The following ZNF469 variants were observed in gnomAD, a reference collection of about 807,000 sequenced individuals.
The protein encoded by ZNF469 is zinc finger protein 469.
Under a neutral mutation model 1.0 loss-of-function variants are expected in ZNF469, and 1 was observed. That is an observed-to-expected ratio of 1.00 (90% CI 0.35 to 4.73). ZNF469 has a LOEUF of 4.73. Among genes scored for constraint, ZNF469 ranks in the 30% most tolerant of loss-of-function variants. ZNF469 has a pLI of 0.16. For synonymous variants in ZNF469, 2,703 were observed against 2,363.4 expected, an observed-to-expected ratio of 1.14 and a Z score of -4.17; for missense variants, 6,100 against 5,356.3, an observed-to-expected ratio of 1.14 and a Z score of -4.33.
chr16:88,239,258 G>A, the ZNF469 span, among the ~76,000 whole-genome samples: 2 of 152,134 alleles, frequency 1.3e-5, no homozygotes, highest in African/African-American at 4.8e-5. Flanking sequence ...TGTGAGTTGG[G>A]TAGATCAGCT....
At chr16:88,264,745 C>T in the ZNF469 span, among the ~76,000 whole-genome samples, 9 of 149,984 alleles carry the variant, frequency 6.0e-5, no homozygotes, top group Admixed American at 2.6e-4. Flanking sequence ...CCTCCCAGTC[C>T]AGTCCTGCTC....
chr16:88,209,240 G>A, the ZNF469 span, among the ~76,000 whole-genome samples: 6,248 of 151,780 alleles, frequency 0.041, 151 homozygotes, highest in Middle Eastern at 0.1. Flanking sequence ...GACATACACC[G>A]TCTCATCGGT....
chr16:88,435,746 G>A lies in ZNF469; in HGVS notation c.8276G>A (p.Arg2759Lys), dbSNP rs1906525742. 2 of 1,550,744 alleles carry A rather than the reference G, an allele frequency of 1.3e-6. No homozygotes were observed. The highest frequency in any genetic ancestry group is 1.4e-5 in the African/African-American group (1 of 73,062). ...GASARGFWGP[R>K]ETKALGVCKE... is the part of the protein sequence containing the mutation. ...TCGGCAAGGGGGTTCTGGGGACCAA[G>A]AGAGACCAAGGCGTTGGGTGTGTGC... The change falls in exon 3 of 3, where the codon AGA (arginine) becomes AAA (lysine). Residue 2759 changes from arginine (R) to lysine (K), a missense_variant. Transcript: ENST00000565624.
At chr16:88,336,493 A>G in the ZNF469 span, among the ~76,000 whole-genome samples, 5 of 127,894 alleles carry the variant, frequency 3.9e-5, no homozygotes, top group South Asian at 5.4e-4. Flanking sequence ...CATCCTTCAC[A>G]TGAGACACAT....
chr16:88,434,525 C>G lies in ZNF469; in HGVS notation c.7055C>G (p.Pro2352Arg). 4 of 1,550,322 alleles carry G rather than the reference C, an allele frequency of 2.6e-6. 1 individual carries two copies. In the South Asian group the frequency reaches 4.8e-5, roughly 18 times the overall value. Residue 2352 changes from proline to arginine, a missense_variant, in exon 3 of 3, where the codon CCT (proline) becomes CGT (arginine). Coordinates refer to ENST00000565624, the MANE Select transcript of ZNF469 (RefSeq NM_001367624.2). ...GCTGTCACAGCTGTGCCCACTGAGCCTCCCACGCTACAGGGTGCAGGGCCG... is the reference window on the plus strand; with the variant it reads ...GCTGTCACAGCTGTGCCCACTGAGCGTCCCACGCTACAGGGTGCAGGGCCG... ...GQAVTAVPTE[P>R]PTLQGAGPDS...
chr16:88,255,940 A>C, the ZNF469 span, among the ~76,000 whole-genome samples: 13,502 of 152,120 alleles, frequency 0.089, 725 homozygotes, highest in East Asian at 0.21. Flanking sequence ...CTGGTTGGAG[A>C]TGTCATTTGT....
the ZNF469 span, among the ~76,000 whole-genome samples, chr16:88,277,094 C>A: frequency 2.0e-5 from 3 of 150,242 alleles, no homozygotes; most frequent in South Asian, 4.2e-4. Flanking sequence ...GTGTAGATGT[C>A]AGTGCACGGT....
In ZNF469 at chr16:88,428,084, C is replaced by A. The variant is rs752980662; in HGVS notation, c.614C>A (p.Pro205His). The stretch of plus-strand genomic sequence containing the variant: ...ACCTCACCAAGCGCCACCCCCAGGC[C>A]CCCAGCCCCGGGGCCCCCCCAGAGC... The part of the protein sequence containing the change: ...NYTSPSATPR[P>H]PAPGPPQSRG... The change falls in exon 3 of 3, where the codon CCC becomes CAC. Residue 205 changes from proline (P) to histidine (H), a missense_variant. Coordinates refer to ENST00000565624, the MANE Select transcript of ZNF469 (RefSeq NM_001367624.2). 11 of 1,550,044 alleles carry A rather than the reference C, an allele frequency of 7.1e-6. No individual in the cohort carries two copies. In the South Asian group the frequency reaches 1.3e-4, roughly 18 times the overall value.
chr16:88,254,734 G>T, the ZNF469 span, among the ~76,000 whole-genome samples: 4 of 152,016 alleles, frequency 2.6e-5, no homozygotes, highest in African/African-American at 9.7e-5. Flanking sequence ...CTCCAGCCTG[G>T]GTGACAAGAG....
chr16:88,380,394 C>G (rs995133917), upstream of ZNF469, among the ~76,000 whole-genome samples: 2 of 108,918 alleles, frequency 1.8e-5, no homozygotes, highest in East Asian at 3.7e-4. Flanking sequence ...CTCACAGACA[C>G]GCCCTCACAC....
chr16:88,386,477 A>G (rs886178360), intron 1 of ZNF469, among the ~76,000 whole-genome samples: 1 of 151,604 alleles, frequency 6.6e-6, no homozygotes, highest in Non-Finnish European at 1.5e-5. Context: ...GCCCTCACGC[A>G]TCCTGCATCC....
the ZNF469 span, among the ~76,000 whole-genome samples, chr16:88,362,587 T>G: frequency 1.3e-4 from 20 of 152,354 alleles, no homozygotes; most frequent in African/African-American, 4.3e-4. Flanking sequence ...TCTTCTGACT[T>G]CTGGTGTTTT....
At chr16:88,244,488 A>G in the ZNF469 span, among the ~76,000 whole-genome samples, 1 of 143,492 alleles carries the variant, frequency 7.0e-6, no homozygotes, top group Non-Finnish European at 1.5e-5. Flanking sequence ...TACATTGATG[A>G]GTGGGTGGAT....
the ZNF469 span, among the ~76,000 whole-genome samples, chr16:88,141,926 C>T: frequency 2.0e-5 from 3 of 152,306 alleles, no homozygotes; most frequent in Admixed American, 6.5e-5. Context: ...GGCTTCTGAC[C>T]GCCAGAGCTG....
Position 88,433,593 on chromosome 16 carries a change from A to C in ZNF469, c.6123A>C (p.Gly2041=), listed in dbSNP as rs1906354615. 6.5e-7 allele frequency: 1 copy of C among 1,550,104 alleles called. No individual in the cohort carries two copies. The highest frequency in any genetic ancestry group is 1.4e-5 in the African/African-American group (1 of 73,010). The change falls in exon 3 of 3, where the codon GGA becomes GGC. Residue 2041 remains glycine, a synonymous_variant. Coordinates refer to ENST00000565624, the MANE Select transcript of ZNF469 (RefSeq NM_001367624.2). ...CAGTCCTGCTAGAGAAATGCAAGGG[A>C]AGCAGGGCAGCCATGAGCCTTCAGG... ...EGAVLLEKCK[G]SRAAMSLQEE...
intron 1 of ZNF469, among the ~76,000 whole-genome samples, chr16:88,416,071 C>T (rs1415554481): frequency 6.6e-6 from 1 of 152,116 alleles, no homozygotes; most frequent in Admixed American, 6.5e-5. Flanking sequence ...TGATATGATT[C>T]CGAACCCCAC....
At chr16:88,248,578 T>G in the ZNF469 span, among the ~76,000 whole-genome samples, 1 of 152,212 alleles carries the variant, frequency 6.6e-6, no homozygotes, top group African/African-American at 2.4e-5. Flanking sequence ...GTAGAATTTA[T>G]AAAACTTGAG....
the ZNF469 span, among the ~76,000 whole-genome samples, chr16:88,259,271 G>A: frequency 2.0e-5 from 3 of 150,110 alleles, no homozygotes; most frequent in African/African-American, 2.5e-5. The surrounding 1 kb of genome is among the most constrained non-coding windows in gnomAD (Gnocchi z 4.1). Flanking sequence ...CCCGAAGCGG[G>A]CCAGAGAGGT....
chr16:88,160,754 C>T, the ZNF469 span, among the ~76,000 whole-genome samples: 3 of 152,194 alleles, frequency 2.0e-5, no homozygotes, highest in African/African-American at 7.2e-5. Flanking sequence ...CTGCCCGGCT[C>T]TGACATTGCA....
Sources: gnomAD v4.1 joint callset for allele counts (sites outside exome capture counted in the v4.1 genomes callset) on GRCh38, gnomAD v4.1.1 for gene constraint, Gnocchi (gnomAD v3.1) non-coding constraint, MANE v1.5 for transcripts, NCBI Gene and HGNC (gene_info 2026-07-23, HGNC 2026-07-21) for gene names.